The following PCSK5 variants were observed in gnomAD, a reference collection of about 807,000 sequenced individuals.
The protein encoded by PCSK5 is prohormone convertase 5.
PCSK5 carries 129 observed loss-of-function variants against 233.2 expected under a neutral mutation model. That is an observed-to-expected ratio of 0.55 (90% CI 0.48 to 0.64). PCSK5 has a LOEUF of 0.64. Among genes scored for constraint, PCSK5 ranks in the 30% least tolerant of loss-of-function variants. The pLI is 0.00. For missense variants in PCSK5, 2,076 were observed against 2,430.1 expected (o/e 0.85, Z 3.06); for synonymous variants, 825 against 879.2 (o/e 0.94, Z 1.09).
At chr9:75,931,560 A>G (rs1010693292) in intron 1 of PCSK5, among the ~76,000 whole-genome samples, 1 of 152,148 alleles carries the variant, frequency 6.6e-6, no homozygotes, top group African/African-American at 2.4e-5. Context: ...GCATAGTTCA[A>G]TTTTCATTCT....
chr9:76,018,151 A>C (rs746820396), intron 3 of PCSK5, among the ~76,000 whole-genome samples: 1 of 151,454 alleles, frequency 6.6e-6, no homozygotes, highest in Non-Finnish European at 1.5e-5. Context: ...AGCAGGACTA[A>C]CCATAGTGGG....
intron 3 of PCSK5, among the ~76,000 whole-genome samples, chr9:75,992,685 T>G (rs1302795167): frequency 1.3e-5 from 2 of 152,176 alleles, no homozygotes; most frequent in Non-Finnish European, 2.9e-5. Flanking sequence ...TTCATATGAC[T>G]GGTACTCTTG....
chr9:76,021,465 C>A (rs1251718548), intron 3 of PCSK5, among the ~76,000 whole-genome samples: 1 of 151,998 alleles, frequency 6.6e-6, no homozygotes, highest in Non-Finnish European at 1.5e-5. Context: ...GCCCCAAAAA[C>A]TGAAGGCACG....
intron 21 of PCSK5, 115 bp from the exon 22 acceptor site, chr9:76,233,345 T>G: frequency 2.0e-6 from 2 of 1,017,390 alleles, no homozygotes; most frequent in Non-Finnish European, 2.9e-6. Context: ...TCCCCCTTGT[T>G]TCTGGAACAA....
intron 1 of PCSK5, among the ~76,000 whole-genome samples, chr9:75,897,489 C>CTTTTTTTTT (rs58504698): frequency 5.9e-5 from 7 of 119,618 alleles, no homozygotes; most frequent in South Asian, 2.7e-4. Context: ...TCTTTCTTTT[C>CTTTTTTTTT]TTTTTTTTTT....
intron 24 of PCSK5, among the ~76,000 whole-genome samples, chr9:76,289,268 T>C (rs12340224): frequency 0.023 from 3,569 of 152,256 alleles, 134 homozygotes; most frequent in African/African-American, 0.079. Context: ...CCACTGTTTC[T>C]GAAGACTTTT....
intron 24 of PCSK5, among the ~76,000 whole-genome samples, chr9:76,275,127 A>G (rs2131378551): frequency 6.6e-6 from 1 of 152,146 alleles, no homozygotes; most frequent in East Asian, 1.9e-4. Context: ...TTTTAAAAAT[A>G]TTGTTTTTAT....
rs79770636 is a variant in PCSK5 at position 76,212,351 on chromosome 9, G to C, written c.2627-15152G>C. Reference sequence around the variant, plus strand: ...TGCTCCATCAACTCTTGTTATATGGGTTGATATAGCAGGAGAGATAACAAG... The same window carrying C: ...TGCTCCATCAACTCTTGTTATATGGCTTGATATAGCAGGAGAGATAACAAG... On this transcript the variant is annotated intron_variant, in intron 20 of 37. Coordinates refer to ENST00000674117, the MANE Select transcript of PCSK5 (RefSeq NM_001372043.1). Among the ~76,000 whole-genome samples the C allele has an allele frequency of 6.3e-3, 952 of 152,304 alleles. 7 individuals are homozygous for C. The highest frequency in any genetic ancestry group is 0.022 in the African/African-American group (908 of 41,556).
In PCSK5 at chr9:76,315,750, A is replaced by G. The variant is rs1829006027; in HGVS notation, c.3884+4899A>G. Among the ~76,000 whole-genome samples, 3 of 148,974 alleles carry G rather than the reference A, an allele frequency of 2.0e-5. No individual in the cohort carries two copies. The Admixed American group carries it at 2.0e-4, about 10-fold the overall frequency. ...CAGGTTCAAGCGATTCTTCTGCCTC[A>G]GCCTCCTGAGTAGCTGGGATTACAG... On this transcript the variant is annotated intron_variant, in intron 30 of 37. Transcript: ENST00000674117.
rs189659622 is a variant in PCSK5 at position 75,895,560 on chromosome 9, T to G, written c.192+4187T>G. On this transcript the variant is annotated intron_variant, in intron 1 of 37. Coordinates refer to ENST00000674117, the MANE Select transcript of PCSK5 (RefSeq NM_001372043.1). ...TAAAATATTAATAGTTTAAAAATAGTTTTATGTTAGATTCTAAACAATTAG... is the reference window on the plus strand; with the variant it reads ...TAAAATATTAATAGTTTAAAAATAGGTTTATGTTAGATTCTAAACAATTAG... Among the ~76,000 whole-genome samples the G allele has an allele frequency of 9.2e-5, 14 of 152,308 alleles. No individual in the cohort carries two copies. The East Asian group carries it at 2.7e-3, about 29-fold the overall frequency.
chr9:76,143,783 C>T (rs531117512), intron 10 of PCSK5, among the ~76,000 whole-genome samples: 43 of 150,730 alleles, frequency 2.9e-4, no homozygotes, highest in African/African-American at 3.9e-4. Context: ...CTTTAATAAA[C>T]CCCGGGCAAA....
chr9:76,346,601 A>G (rs996063170), intron 35 of PCSK5, among the ~76,000 whole-genome samples: 8 of 152,022 alleles, frequency 5.3e-5, no homozygotes, highest in Non-Finnish European at 1.2e-4. Context: ...ATTTTTTCAT[A>G]TAATTCTTTG....
At chr9:76,355,498 A>G (rs1315146698) in intron 37 of PCSK5, among the ~76,000 whole-genome samples, 1 of 152,096 alleles carries the variant, frequency 6.6e-6, no homozygotes, top group Non-Finnish European at 1.5e-5. Context: ...AAGAAAAAAA[A>G]AGAAACATAT....
intron 1 of PCSK5, among the ~76,000 whole-genome samples, chr9:75,928,020 G>A (rs768373254): frequency 2.6e-5 from 4 of 152,154 alleles, no homozygotes; most frequent in Admixed American, 6.5e-5. Flanking sequence ...AGGGTGACGG[G>A]CTATCATTCA....
intron 24 of PCSK5, among the ~76,000 whole-genome samples, chr9:76,277,883 A>G (rs145376367): frequency 9.8e-5 from 15 of 152,348 alleles, no homozygotes; most frequent in Non-Finnish European, 2.1e-4. Flanking sequence ...TGTTTTACCC[A>G]GTTCATTATC....
At chr9:76,208,675 T>C (rs888590125) in intron 20 of PCSK5, among the ~76,000 whole-genome samples, 3 of 152,220 alleles carry the variant, frequency 2.0e-5, no homozygotes, top group African/African-American at 7.2e-5. Context: ...TGGATCCCAT[T>C]TAACTCTCTA....
chr9:76,095,515 T>TA (rs1445493622), intron 7 of PCSK5, among the ~76,000 whole-genome samples: 1 of 152,020 alleles, frequency 6.6e-6, no homozygotes, highest in Non-Finnish European at 1.5e-5. Context: ...AACTTCCTTT[T>TA]AAAAAAAAAT....
intron 10 of PCSK5, among the ~76,000 whole-genome samples, chr9:76,138,260 T>C (rs886790047): frequency 6.6e-6 from 1 of 152,058 alleles, no homozygotes; most frequent in African/African-American, 2.4e-5. Context: ...CCCGACAATC[T>C]GCCAGGTCAT....
At chr9:76,192,710 T>C (rs1824461488) in intron 20 of PCSK5, among the ~76,000 whole-genome samples, 1 of 51,348 alleles carries the variant, frequency 1.9e-5, no homozygotes, top group Admixed American at 2.4e-4. Context: ...TGCATAAGCA[T>C]GGAAACAAAA....
Sources: allele counts gnomAD v4.1 joint callset (sites outside exome capture counted in the v4.1 genomes callset), GRCh38; gene constraint gnomAD v4.1.1; transcripts MANE v1.5; gene names NCBI Gene and HGNC (gene_info 2026-07-23, HGNC 2026-07-21).